The following CPA6 variants were observed in gnomAD, a reference collection of about 807,000 sequenced individuals.
CPA6 encodes the protein carboxypeptidase A6.
A neutral mutation model predicts 63.3 loss-of-function variants in CPA6; 58 were observed. That is an observed-to-expected ratio of 0.92 (90% confidence interval 0.74 to 1.14). The LOEUF is 1.14. CPA6 is among the 50% of genes most tolerant of loss of function. The probability of loss-of-function intolerance (pLI) is 0.00; values close to 1 mark genes in which losing one functional copy is unlikely to be tolerated. For missense variants in CPA6, 565 were observed against 526.6 expected, an observed-to-expected ratio of 1.07 and a Z score of -0.71; for synonymous variants, 185 against 179.0, an observed-to-expected ratio of 1.03 and a Z score of -0.27.
chr8:67,498,101 G>C (rs1289440680), intron 6 of CPA6, among the ~76,000 whole-genome samples: 1 of 152,102 alleles, frequency 6.6e-6, no homozygotes, highest in African/African-American at 2.4e-5. Context: ...CTCTTCTGTA[G>C]ATATCTGTTC....
At chr8:67,586,394 T>C (rs1022538766) in intron 2 of CPA6, among the ~76,000 whole-genome samples, 9 of 152,252 alleles carry the variant, frequency 5.9e-5, no homozygotes, top group African/African-American at 2.2e-4. Flanking sequence ...TAGAAGATTG[T>C]TGGATCAGAA....
chr8:67,633,659 C>T (rs1019355392), intron 1 of CPA6, among the ~76,000 whole-genome samples: 6 of 135,138 alleles, frequency 4.4e-5, no homozygotes, highest in East Asian at 4.3e-4. Flanking sequence ...CCAGCCTGGG[C>T]GACAGAGCGA....
Position 67,556,466 on chromosome 8 carries a change from T to C in CPA6, c.193-38419A>G, listed in dbSNP as rs150036249. Among the ~76,000 whole-genome samples the C allele has an allele frequency of 4.2e-3, 642 of 152,270 alleles. 3 individuals carry two copies. The highest frequency in any genetic ancestry group is 0.014 in the African/African-American group (598 of 41,556). The stretch of plus-strand genomic sequence containing the variant: ...GGAGACTCAGCTGGGAGGTCAGTAA[T>C]CATGTGTGTGACCTGCAGGTACTTG... On this transcript the variant is annotated intron_variant, in intron 2 of 10. Transcript: ENST00000297770.
At chr8:67,536,750 A>G (rs1232929445) in intron 2 of CPA6, among the ~76,000 whole-genome samples, 1 of 152,186 alleles carries the variant, frequency 6.6e-6, no homozygotes, top group Non-Finnish European at 1.5e-5. Flanking sequence ...AGGATTGATG[A>G]GAGGGCATCC....
At chr8:67,599,459 C>T (rs1019520282) in intron 2 of CPA6, among the ~76,000 whole-genome samples, 3 of 152,094 alleles carry the variant, frequency 2.0e-5, no homozygotes, top group African/African-American at 4.8e-5. Context: ...AATACAAACC[C>T]GCCTAGCCAG....
At chr8:67,495,358 TGAGGA>T (rs1209839375) in intron 6 of CPA6, among the ~76,000 whole-genome samples, 2 of 152,194 alleles carry the variant, frequency 1.3e-5, no homozygotes, top group African/African-American at 4.8e-5. Flanking sequence ...GCAAATGCAT[TGAGGA>T]AAGGGTTAAT....
At chr8:67,502,322 A>T (rs1811845104) in intron 6 of CPA6, among the ~76,000 whole-genome samples, 1 of 152,054 alleles carries the variant, frequency 6.6e-6, no homozygotes. Context: ...AATTAGCCTG[A>T]ATTGGTGGCA....
intron 1 of CPA6, chr8:67,735,729 T>C (rs1345425736): frequency 6.6e-6 from 1 of 151,392 alleles, no homozygotes; most frequent in Admixed American, 6.6e-5. Flanking sequence ...CCTCTTTCCT[T>C]TTAGAGCTCC....
At position 67,480,690 on chromosome 8, in the gene CPA6, T is replaced by C. The variant is rs75503092; in HGVS notation, c.838+3078A>G. The stretch of plus-strand genomic sequence containing the variant: ...CATTTCTCTTGGGTATATATATATA[T>C]ATCTAAGAGTGGAGTTGCTGGGTCA... On this transcript the variant is annotated intron_variant, in intron 8 of 10. Transcript: ENST00000297770. 1.4e-3 allele frequency among the ~76,000 whole-genome samples: 207 copies of C among 152,274 alleles called. 7 individuals are homozygous for C. The East Asian group carries it at 0.034, about 25-fold the overall frequency.
chr8:67,670,233 A>G (rs1286284175), intron 1 of CPA6, among the ~76,000 whole-genome samples: 3 of 152,214 alleles, frequency 2.0e-5, no homozygotes, highest in Non-Finnish European at 4.4e-5. Context: ...AGGAAACATA[A>G]TGGCTTCTGG....
At chr8:67,446,233 C>G (rs1810411138) in intron 8 of CPA6, among the ~76,000 whole-genome samples, 1 of 139,294 alleles carries the variant, frequency 7.2e-6, no homozygotes, top group African/African-American at 2.9e-5. Flanking sequence ...CCACTGCACT[C>G]CAGCCTGGGA....
intron 8 of CPA6, among the ~76,000 whole-genome samples, chr8:67,449,410 CTT>C (rs1810505478): frequency 2.0e-5 from 3 of 152,196 alleles, no homozygotes; most frequent in Admixed American, 1.3e-4. Context: ...CCTTGCTACT[CTT>C]TTTACAGTTT....
chr8:67,589,296 G>C (rs1370424608), intron 2 of CPA6, among the ~76,000 whole-genome samples: 1 of 152,168 alleles, frequency 6.6e-6, no homozygotes, highest in Non-Finnish European at 1.5e-5. Context: ...AGGCAGCATA[G>C]CATCCCTCTT....
At chr8:67,734,343 T>TG (rs549711079) in intron 1 of CPA6, among the ~76,000 whole-genome samples, 9 of 119,000 alleles carry the variant, frequency 7.6e-5, no homozygotes, top group African/African-American at 2.4e-4. Flanking sequence ...CAGGGCCCCA[T>TG]GGAAAAAAAA....
chr8:67,492,765 C>T (rs1305640819), intron 6 of CPA6, among the ~76,000 whole-genome samples: 1 of 152,130 alleles, frequency 6.6e-6, no homozygotes, highest in Non-Finnish European at 1.5e-5. Context: ...GGCCAGAACA[C>T]TCACTATTAT....
intron 2 of CPA6, among the ~76,000 whole-genome samples, chr8:67,618,684 T>G (rs1815012509): frequency 6.6e-6 from 1 of 152,236 alleles, no homozygotes; most frequent in South Asian, 2.1e-4. Context: ...AGCTCTCTGA[T>G]GAGGAAATTG....
At chr8:67,510,287 A>T (rs750706814) in intron 4 of CPA6, among the ~76,000 whole-genome samples, 1 of 152,176 alleles carries the variant, frequency 6.6e-6, no homozygotes, top group Non-Finnish European at 1.5e-5. Context: ...ACAACACAAA[A>T]GTGTCCTACC....
Position 67,746,260 on chromosome 8 carries a change from A to C in CPA6, c.-131T>G, listed in dbSNP as rs1818009871. The C allele has an allele frequency of 5.7e-6, 3 of 530,722 alleles. No homozygotes were observed. In the South Asian group the frequency reaches 1.1e-4, roughly 19 times the overall value. 32.9% of individuals were successfully genotyped at this position (530,722 alleles called of 1,614,324 possible). The stretch of plus-strand genomic sequence containing the variant: ...GGCGAGGAAGGTTGAGAGTGAGCAA[A>C]ATGTGACACTTCTCTCCAGCTACAA... On this transcript the variant is annotated 5_prime_UTR_variant, in exon 1 of 11. The change creates a new upstream start codon in the 5' untranslated region. Transcript: ENST00000297770.
chr8:67,547,193 C>T (rs889282834), intron 2 of CPA6, among the ~76,000 whole-genome samples: 3 of 152,034 alleles, frequency 2.0e-5, no homozygotes, highest in Admixed American at 6.5e-5. Flanking sequence ...ACTACAGGCG[C>T]CCGCCACCAC....
Sources: allele counts gnomAD v4.1 joint callset (sites outside exome capture counted in the v4.1 genomes callset), GRCh38; gene constraint gnomAD v4.1.1; transcripts MANE v1.5; gene names NCBI Gene and HGNC (gene_info 2026-07-23, HGNC 2026-07-21).